Variants in TASP1 observed in about 807,000 individuals in gnomAD.
TASP1 encodes taspase 1, also known as threonine aspartase 1.
TASP1 carries 16 observed loss-of-function variants against 56.6 expected under a neutral mutation model. That is an observed-to-expected ratio of 0.28 (90% confidence interval 0.19 to 0.43). The LOEUF is 0.43. Among genes scored for constraint, TASP1 ranks in the 20% least tolerant of loss-of-function variants. The pLI, the probability that TASP1 is intolerant of heterozygous loss-of-function variation, is 1.00. For missense variants in TASP1, 393 were observed against 511.6 expected, an observed-to-expected ratio of 0.77 and a Z score of 2.24; for synonymous variants, 179 against 184.2, an observed-to-expected ratio of 0.97 and a Z score of 0.23.
chr20:13,215,960 C>T, the TASP1 span, among the ~76,000 whole-genome samples: 1 of 152,200 alleles, frequency 6.6e-6, no homozygotes, highest in African/African-American at 2.4e-5. Flanking sequence ...AAAGGAGAGG[C>T]TCTAATGGAA....
At chr20:13,571,079 T>A (rs1208569709) in intron 6 of TASP1, among the ~76,000 whole-genome samples, 1 of 152,186 alleles carries the variant, frequency 6.6e-6, no homozygotes. Flanking sequence ...TAGCTTTATT[T>A]TATATATTTT....
intron 11 of TASP1, among the ~76,000 whole-genome samples, chr20:13,436,754 G>A (rs567443209): frequency 2.6e-5 from 4 of 152,180 alleles, no homozygotes; most frequent in East Asian, 1.9e-4. Flanking sequence ...TTCCAGCAAC[G>A]CAGCCAACTC....
intron 10 of TASP1, among the ~76,000 whole-genome samples, chr20:13,515,664 C>T (rs6109919): frequency 0.011 from 1,687 of 151,410 alleles, 40 homozygotes; most frequent in African/African-American, 0.038. Flanking sequence ...GTACACCTTA[C>T]ACTGACAATG....
chr20:13,514,385 G>A (rs1053449707), intron 10 of TASP1, among the ~76,000 whole-genome samples: 4 of 152,090 alleles, frequency 2.6e-5, no homozygotes, highest in African/African-American at 4.8e-5. Flanking sequence ...ACAGAGTCCC[G>A]ACTAACAGGA....
At position 13,438,768 on chromosome 20, in the gene TASP1, C is replaced by T. The variant is rs919732113; in HGVS notation, c.986-3614G>A. Among the ~76,000 whole-genome samples, 6 of 151,926 alleles carry T rather than the reference C, an allele frequency of 3.9e-5. No homozygotes were observed. The East Asian group carries it at 1.2e-3, about 29-fold the overall frequency. ...TGCAATCTACTCATCTGACAAAGGG[C>T]GAATATCCAGAATCTACAATGAACT... On this transcript the variant is annotated intron_variant, in intron 11 of 13. Coordinates refer to ENST00000337743, the MANE Select transcript of TASP1 (RefSeq NM_017714.3).
At chr20:13,561,041 C>G (rs1194053343) in intron 7 of TASP1, among the ~76,000 whole-genome samples, 1 of 152,174 alleles carries the variant, frequency 6.6e-6, no homozygotes, top group Admixed American at 6.5e-5. Flanking sequence ...AAGCCAGAAA[C>G]AGTGGGTTGA....
chr20:13,411,752 T>C (rs983973655), intron 13 of TASP1, among the ~76,000 whole-genome samples: 4 of 152,190 alleles, frequency 2.6e-5, no homozygotes, highest in Non-Finnish European at 4.4e-5. Flanking sequence ...CTTCTCTTTG[T>C]TTATAGGCAA....
At chr20:13,353,067 T>C in the TASP1 span, among the ~76,000 whole-genome samples, 1 of 152,056 alleles carries the variant, frequency 6.6e-6, no homozygotes, top group Non-Finnish European at 1.5e-5. Flanking sequence ...CAAGATGCTG[T>C]ATATACAAAA....
intron 6 of TASP1, among the ~76,000 whole-genome samples, chr20:13,580,652 TGTAA>T (rs953880975): frequency 1.3e-5 from 2 of 152,286 alleles, no homozygotes; most frequent in Middle Eastern, 3.4e-3. Flanking sequence ...GACTACAATG[TGTAA>T]GTTTTTTTTA....
the TASP1 span, among the ~76,000 whole-genome samples, chr20:13,146,379 G>A: frequency 2.6e-5 from 4 of 151,892 alleles, no homozygotes; most frequent in Admixed American, 1.3e-4. Flanking sequence ...CCCACGACAC[G>A]TGTTTACCTA....
the TASP1 span, chr20:13,126,545 T>G: frequency 5.0e-5 from 81 of 1,606,520 alleles, no homozygotes; most frequent in Non-Finnish European, 6.5e-5. Flanking sequence ...ACCACCAGTG[T>G]TGAGATTTAT....
chr20:13,299,570 T>C, the TASP1 span: 1 of 979,122 alleles, frequency 1.0e-6, no homozygotes, highest in Non-Finnish European at 1.5e-6. This position sits in a 1 kb window ranked among gnomAD's most constrained non-coding sequence, Gnocchi z 5.8. Context: ...TGTATATTTG[T>C]ATATACCACA....
chr20:13,183,555 A>G, the TASP1 span, among the ~76,000 whole-genome samples: 1 of 152,240 alleles, frequency 6.6e-6, no homozygotes, highest in Non-Finnish European at 1.5e-5. Context: ...ATATAATATT[A>G]AGAATTTTTA....
the TASP1 span, chr20:13,238,073 T>C: frequency 2.6e-5 from 4 of 152,260 alleles, no homozygotes; most frequent in East Asian, 5.8e-4. Context: ...ATATATCTTC[T>C]TTATAGGACA....
At chr20:13,477,811 A>G (rs150405347) in intron 11 of TASP1, among the ~76,000 whole-genome samples, 1 of 152,262 alleles carries the variant, frequency 6.6e-6, no homozygotes, top group Non-Finnish European at 1.5e-5. Context: ...TGAGTTTTGT[A>G]TGTTACATGA....
the TASP1 span, among the ~76,000 whole-genome samples, chr20:13,319,403 AC>A: frequency 2.6e-5 from 4 of 152,182 alleles, no homozygotes; most frequent in Admixed American, 1.3e-4. Context: ...GAGACACAGG[AC>A]CCACTGAGTC....
chr20:13,225,597 C>T, the TASP1 span, among the ~76,000 whole-genome samples: 1 of 152,218 alleles, frequency 6.6e-6, no homozygotes, highest in African/African-American at 2.4e-5. Context: ...TACGATGTTA[C>T]AAGGTGGCAG....
intron 1 of TASP1, among the ~76,000 whole-genome samples, chr20:13,638,323 C>G (rs555775258): frequency 2.0e-5 from 3 of 152,198 alleles, no homozygotes; most frequent in South Asian, 2.1e-4. Flanking sequence ...TCCGGAAACA[C>G]GATACCCTCG....
intron 11 of TASP1, among the ~76,000 whole-genome samples, chr20:13,445,289 T>C (rs2043366428): frequency 6.6e-6 from 1 of 152,184 alleles, no homozygotes; most frequent in South Asian, 2.1e-4. Context: ...CCTAATACTG[T>C]ACTAGAAATG....
Sources: allele counts gnomAD v4.1 joint callset (sites outside exome capture counted in the v4.1 genomes callset), GRCh38; gene constraint gnomAD v4.1.1; non-coding constraint Gnocchi (gnomAD v3.1); transcripts MANE v1.5; gene names NCBI Gene and HGNC (gene_info 2026-07-23, HGNC 2026-07-21).